The following PLK5 variants were observed in gnomAD, a reference collection of about 807,000 sequenced individuals.
PLK5 encodes the protein polo like kinase 5 (inactive).
In PLK5, 28 loss-of-function variants were observed where a neutral mutation model predicts 33.7. The ratio of observed to expected loss-of-function variants is 0.83; its 90% CI spans 0.62 to 1.14. PLK5 has a LOEUF of 1.14. PLK5 is among the 50% of genes most tolerant of loss of function. PLK5 has a pLI of 0.00. For synonymous variants in PLK5, 225 were observed against 202.2 expected (o/e 1.11, Z -0.96); for missense variants, 492 against 461.5 (o/e 1.07, Z -0.61).
intron 5 of PLK5, 45 bp from the exon 6 acceptor site, chr19:1,526,858 A>G: frequency 1.8e-6 from 2 of 1,091,186 alleles, no homozygotes; most frequent in Non-Finnish European, 2.7e-6. Context: ...GAAGTCTGGC[A>G]CGGGGATCCC....
chr19:1,530,303 CT>C (rs913300580), intron 11 of PLK5, among the ~76,000 whole-genome samples: 1 of 151,298 alleles, frequency 6.6e-6, no homozygotes. Context: ...CCTTTTCTTT[CT>C]TTTTTTTTAA....
chr19:1,533,785 G>A, intron 12 of PLK5, 146 bp from the exon 13 acceptor site: 1 of 659,362 alleles, frequency 1.5e-6, no homozygotes, highest in South Asian at 1.8e-5. Flanking sequence ...TGCCCGGCCT[G>A]CTGGGCGCCA....
intron 10 of PLK5, 56 bp from the exon 11 acceptor site, chr19:1,529,691 A>G: frequency 6.6e-7 from 1 of 1,512,842 alleles, no homozygotes; most frequent in Non-Finnish European, 8.9e-7. Context: ...ACTGGTTGGA[A>G]GAGCCTGGTG....
At chr19:1,529,109 C>A in intron 9 of PLK5, 135 bp downstream of exon 9, 1 of 749,722 alleles carries the variant, frequency 1.3e-6, no homozygotes, top group Non-Finnish European at 2.1e-6. Context: ...CCCCTAGTCC[C>A]GTCCTGACGC....
Position 1,524,580 on chromosome 19 carries a change from T to A in PLK5, c.-544+334T>A, listed in dbSNP as rs1200720739. 4.0e-5 allele frequency among the ~76,000 whole-genome samples: 6 copies of A among 151,364 alleles called. No individual in the cohort carries two copies. Among genetic ancestry groups the A allele is most frequent in the Admixed American group, 4.0e-4 (6 of 15,178 alleles). The stretch of plus-strand genomic sequence containing the variant: ...CGTCTGTGCCCGCTGCTTCCAAGTG[T>A]CTGGGTGCTGTGCGGTGTTCGTGTG... On this transcript the variant is annotated intron_variant, in intron 1 of 13. Coordinates refer to ENST00000454744, the MANE Select transcript of PLK5 (RefSeq NM_001243079.2). This position sits in a 1 kb window ranked among gnomAD's most constrained non-coding sequence, Gnocchi z 4.5.
chr19:1,529,076 G>A, intron 9 of PLK5, 102 bp downstream of exon 9: 1 of 1,054,542 alleles, frequency 9.5e-7, no homozygotes, highest in Non-Finnish European at 1.3e-6. Context: ...ACCCCTTCTG[G>A]GGTCTCCAAG....
intron 11 of PLK5, among the ~76,000 whole-genome samples, chr19:1,531,062 G>T (rs1013417963): frequency 1.3e-5 from 2 of 151,932 alleles, no homozygotes; most frequent in African/African-American, 4.8e-5. Context: ...CTGCACTTCA[G>T]CCTGGGCAAC....
At chr19:1,529,594 C>A in intron 10 of PLK5, 104 bp downstream of exon 10, 1 of 1,420,154 alleles carries the variant, frequency 7.0e-7, no homozygotes, top group Non-Finnish European at 9.6e-7. Context: ...AGCCGCCGTC[C>A]CGGCCTCACC....
chr19:1,535,040 T>C, intron 13 of PLK5, 25 bp from the exon 14 acceptor site: 2 of 1,501,620 alleles, frequency 1.3e-6, no homozygotes, highest in Middle Eastern at 3.5e-4. Context: ...CCGTCTCCCC[T>C]TGACTGGTAT....
intron 3 of PLK5, among the ~76,000 whole-genome samples, chr19:1,526,276 C>T (rs954054650): frequency 4.0e-5 from 6 of 150,996 alleles, no homozygotes; most frequent in Admixed American, 6.6e-5. Flanking sequence ...GGGCCGGGGC[C>T]GGGCAGCTGT....
chr19:1,529,459 C>G lies in PLK5; in HGVS notation c.459C>G (p.Val153=), dbSNP rs73521412. 1 of 1,536,014 alleles carries G rather than the reference C, an allele frequency of 6.5e-7. No individual in the cohort carries two copies. Among genetic ancestry groups the G allele is most frequent in the Non-Finnish European group, 8.7e-7 (1 of 1,146,850 alleles). Residue 153 remains valine (V), a synonymous_variant, in exon 10 of 14, where the codon GTC becomes GTG. Coordinates refer to ENST00000454744, the MANE Select transcript of PLK5 (RefSeq NM_001243079.2). ...VPCLEGPIHL[V]AQGTLQSDLA... ...GCCTGGAAGGCCCCATCCACCTGGT[C>G]GCACAAGGGACCCTGCAGAGTGACC...
chr19:1,528,443 C>CGCCCACACCTGCCCAACACCT lies in PLK5; in HGVS notation c.328+22_328+42dup, dbSNP rs1568252865. ...CCGGCCACCCTGTAAGTACCACCCC[C>CGCCCACACCTGCCCAACACCT]GCCCACACCTGCCCAACACCTGCCC... is the stretch of plus-strand genomic sequence containing the variant. On this transcript the variant is annotated intron_variant, in intron 8 of 13. Coordinates refer to ENST00000454744, the MANE Select transcript of PLK5 (RefSeq NM_001243079.2). 9.2e-6 allele frequency: 14 copies of CGCCCACACCTGCCCAACACCT among 1,526,112 alleles called. No homozygotes were observed. The African/African-American group carries it at 1.7e-4, about 18-fold the overall frequency. 94.5% of individuals were successfully genotyped at this position (1,526,112 alleles called of 1,614,324 possible). A position where few individuals can be genotyped will look rare whatever the true frequency, so the allele number is the denominator to read the frequency against.
chr19:1,524,600 CGTGTGTGTGT>C lies in PLK5; in HGVS notation c.-544+377_-544+386del, dbSNP rs57882577. Among the ~76,000 whole-genome samples, 1,093 of 150,016 alleles carry C rather than the reference CGTGTGTGTGT, an allele frequency of 7.3e-3. 9 individuals are homozygous for C. Among genetic ancestry groups the C allele is most frequent in the African/African-American group, 0.023 (958 of 40,824 alleles). ...AAGTGTCTGGGTGCTGTGCGGTGTT[CGTGTGTGTGT>C]GTGTGTGTGTGTGTGTGTGTGTCTG... On this transcript the variant is annotated intron_variant, in intron 1 of 13. Transcript: ENST00000454744. The surrounding 1 kb of genome is among the most constrained non-coding windows in gnomAD (Gnocchi z 4.5).
At chr19:1,533,565 G>T (rs1338116461) in intron 12 of PLK5, among the ~76,000 whole-genome samples, 3 of 152,118 alleles carry the variant, frequency 2.0e-5, no homozygotes, top group African/African-American at 7.2e-5. Context: ...CAGCTGAGGT[G>T]AAGAGAGGAC....
At position 1,535,901 on chromosome 19, in the gene PLK5, G is replaced by A. The variant is rs1158726342; in HGVS notation, c.*651G>A. 3.9e-5 allele frequency: 6 copies of A among 152,252 alleles called. No individual in the cohort carries two copies. The highest frequency in any genetic ancestry group is 7.3e-5 in the Non-Finnish European group (5 of 68,156). 9.4% of individuals were successfully genotyped at this position (152,252 alleles called of 1,614,324 possible). On this transcript the variant is annotated 3_prime_UTR_variant, in exon 14 of 14. Transcript: ENST00000454744. The stretch of plus-strand genomic sequence containing the variant: ...AACAACAACAAAAGTAGTACCAGAA[G>A]TGGGGTTCTGCCATAACTCCAAATC...
Position 1,524,906 on chromosome 19 carries a change from G to C in PLK5, c.-543-399G>C, listed in dbSNP as rs1040035945. The C allele has an allele frequency of 9.8e-5, 15 of 152,732 alleles. No individual in the cohort carries two copies. The highest frequency in any genetic ancestry group is 3.6e-4 in the African/African-American group (15 of 41,422). 9.5% of individuals were successfully genotyped at this position (152,732 alleles called of 1,614,324 possible). A position where few individuals can be genotyped will look rare whatever the true frequency, so the allele number is the denominator to read the frequency against. ...TGTTGTGTGTCCACACGTGGTGACT[G>C]TGTGTCCAGACATTGTATATTCATG... On this transcript the variant is annotated intron_variant, in intron 1 of 13. Coordinates refer to ENST00000454744, the MANE Select transcript of PLK5 (RefSeq NM_001243079.2). This position sits in a 1 kb window ranked among gnomAD's most constrained non-coding sequence, Gnocchi z 4.5.
chr19:1,525,931 C>T (rs114338635), intron 3 of PLK5, among the ~76,000 whole-genome samples: 2,348 of 152,306 alleles, frequency 0.015, 60 homozygotes, highest in African/African-American at 0.053. Flanking sequence ...CCAGCTTACG[C>T]TGTGCTCATC....
intron 8 of PLK5, 39 bp from the exon 9 acceptor site, chr19:1,528,859 C>T (rs1033402775): frequency 2.8e-6 from 4 of 1,429,152 alleles, no homozygotes; most frequent in Admixed American, 2.6e-5. Flanking sequence ...AGCTTGGGGC[C>T]CAGGCTGTGC....
chr19:1,531,729 T>G lies in PLK5; in HGVS notation c.569-9T>G. 1 of 1,536,804 alleles carries G rather than the reference T, an allele frequency of 6.5e-7. No individual in the cohort carries two copies. The highest frequency in any genetic ancestry group is 8.7e-7 in the Non-Finnish European group (1 of 1,147,214). On this transcript the variant is annotated splice_polypyrimidine_tract_variant and intron_variant, in intron 11 of 13. Coordinates refer to ENST00000454744, the MANE Select transcript of PLK5 (RefSeq NM_001243079.2). Reference sequence around the variant, plus strand: ...ACCCCTGGCTCAGCATACCTTTGTTTGTGCCCAGCCACACAGGACCCCCTG... The same window carrying G: ...ACCCCTGGCTCAGCATACCTTTGTTGGTGCCCAGCCACACAGGACCCCCTG...
Sources: allele counts gnomAD v4.1 joint callset (sites outside exome capture counted in the v4.1 genomes callset), GRCh38; gene constraint gnomAD v4.1.1; non-coding constraint Gnocchi (gnomAD v3.1); transcripts MANE v1.5; gene names NCBI Gene and HGNC (gene_info 2026-07-23, HGNC 2026-07-21).